Variants in TEX9 observed in about 807,000 individuals in gnomAD.
TEX9 encodes the protein testis expressed 9.
Under a neutral mutation model 59.6 loss-of-function variants are expected in TEX9, and 74 were observed. The observed-to-expected ratio is 1.24, with a 90% CI of 1.03 to 1.51. The LOEUF is 1.51. Among genes scored for constraint, TEX9 ranks in the 40% most tolerant of loss-of-function variants. TEX9 has a pLI of 0.00. For missense variants in TEX9, 522 were observed against 447.8 expected (o/e 1.17, Z -1.49); for synonymous variants, 186 against 152.2 (o/e 1.22, Z -1.64).
intron 12 of TEX9, among the ~76,000 whole-genome samples, chr15:56,436,491 A>G (rs573455863): frequency 1.3e-5 from 2 of 152,352 alleles, no homozygotes; most frequent in African/African-American, 4.8e-5. Context: ...CTAAATGCCC[A>G]CAAGAAAAAT....
chr15:56,459,546 A>C, the TEX9 span, among the ~76,000 whole-genome samples: 4 of 152,192 alleles, frequency 2.6e-5, no homozygotes, highest in Admixed American at 2.6e-4. Flanking sequence ...TGTTGTTTTA[A>C]GCAGCTAAGT....
intron 1 of TEX9, among the ~76,000 whole-genome samples, chr15:56,275,878 C>T (rs1348774666): frequency 6.6e-6 from 1 of 151,784 alleles, no homozygotes; most frequent in Non-Finnish European, 1.5e-5. Context: ...CTTCATTTTT[C>T]AAAGAGGTTC....
chr15:56,253,482 C>T (rs755953204), intron 1 of TEX9, among the ~76,000 whole-genome samples: 27 of 152,108 alleles, frequency 1.8e-4, no homozygotes, highest in East Asian at 3.8e-4. Flanking sequence ...ACTTTAAACA[C>T]GTATCCCTTC....
At chr15:56,455,247 GAAA>G in the TEX9 span, among the ~76,000 whole-genome samples, 5,016 of 82,842 alleles carry the variant, frequency 0.061, 223 homozygotes, top group East Asian at 0.2. Context: ...ATCGTCAGGT[GAAA>G]AAAAAAAAAA....
chr15:56,323,913 G>A (rs146557351), intron 1 of TEX9, among the ~76,000 whole-genome samples: 125 of 152,228 alleles, frequency 8.2e-4, no homozygotes, highest in South Asian at 1.5e-3. Context: ...GCTCTGTAAG[G>A]TTTGTTTTTA....
At chr15:56,453,233 A>C in the TEX9 span, among the ~76,000 whole-genome samples, 6 of 152,252 alleles carry the variant, frequency 3.9e-5, no homozygotes, top group Admixed American at 3.9e-4. Flanking sequence ...TATTTTATAC[A>C]TTCAAATATC....
intron 1 of TEX9, among the ~76,000 whole-genome samples, chr15:56,326,907 AATG>A (rs1372442655): frequency 6.6e-6 from 1 of 152,184 alleles, no homozygotes; most frequent in Admixed American, 6.5e-5. Context: ...TCAATAAGTT[AATG>A]ATAATTGTAA....
At chr15:56,337,972 A>G (rs1490550897) in intron 1 of TEX9, among the ~76,000 whole-genome samples, 1 of 152,196 alleles carries the variant, frequency 6.6e-6, no homozygotes, top group Non-Finnish European at 1.5e-5. Flanking sequence ...GATGAGCTAC[A>G]TCCTAAATGG....
chr15:56,434,240 T>C, intron 12 of TEX9: 4 of 1,614,006 alleles, frequency 2.5e-6, no homozygotes, highest in Non-Finnish European at 3.4e-6. Context: ...TCATTAATTC[T>C]ATTCGATCAT....
chr15:56,458,948 G>T, the TEX9 span, among the ~76,000 whole-genome samples: 1 of 152,084 alleles, frequency 6.6e-6, no homozygotes, highest in Non-Finnish European at 1.5e-5. Context: ...AAGCTGCCAT[G>T]TTATATTTTT....
chr15:56,260,681 T>A (rs2044245261), intron 1 of TEX9, among the ~76,000 whole-genome samples: 1 of 152,028 alleles, frequency 6.6e-6, no homozygotes, highest in Non-Finnish European at 1.5e-5. Flanking sequence ...CCTATGTTCG[T>A]AAGAATTATT....
At chr15:56,294,743 G>T (rs1006091889) in intron 1 of TEX9, among the ~76,000 whole-genome samples, 3 of 152,118 alleles carry the variant, frequency 2.0e-5, no homozygotes, top group Non-Finnish European at 4.4e-5. Flanking sequence ...TAATGCTTGG[G>T]TATAACCCAA....
At chr15:56,333,968 A>C (rs2046209547) in intron 1 of TEX9, among the ~76,000 whole-genome samples, 1 of 152,108 alleles carries the variant, frequency 6.6e-6, no homozygotes, top group Non-Finnish European at 1.5e-5. Context: ...GAAGACAAAG[A>C]CCTCTACAGT....
chr15:56,272,011 G>A (rs1453444201), intron 1 of TEX9, among the ~76,000 whole-genome samples: 2 of 152,020 alleles, frequency 1.3e-5, no homozygotes, highest in Non-Finnish European at 2.9e-5. Context: ...GGGCATGGGG[G>A]TGGGCACCGG....
intron 3 of TEX9, among the ~76,000 whole-genome samples, chr15:56,379,141 T>A (rs538078557): frequency 6.6e-6 from 1 of 151,582 alleles, no homozygotes; most frequent in African/African-American, 2.4e-5. Context: ...CATTGCTAAG[T>A]CATTTATTTG....
At chr15:56,333,502 T>C (rs1166946869) in intron 1 of TEX9, among the ~76,000 whole-genome samples, 2 of 137,648 alleles carry the variant, frequency 1.5e-5, no homozygotes, top group African/African-American at 2.6e-5. Context: ...CTCAAAAAAC[T>C]GGATACAGAA....
At chr15:56,275,200 T>G (rs1338281575) in intron 1 of TEX9, among the ~76,000 whole-genome samples, 3 of 152,128 alleles carry the variant, frequency 2.0e-5, no homozygotes, top group Admixed American at 2.0e-4. Flanking sequence ...GGTTGGAAGT[T>G]TTTTCATCCC....
At chr15:56,438,196 T>G (rs2050760877) in intron 12 of TEX9, among the ~76,000 whole-genome samples, 1 of 152,148 alleles carries the variant, frequency 6.6e-6, no homozygotes, top group Non-Finnish European at 1.5e-5. Context: ...GGAGGCATCA[T>G]GCTACCTGAA....
At chr15:56,394,402 G>A (rs1265276788) in intron 8 of TEX9, 155 bp downstream of exon 8, 2 of 679,692 alleles carry the variant, frequency 2.9e-6, no homozygotes, top group Non-Finnish European at 4.7e-6. Context: ...ATTCTGAGAT[G>A]TTGAATTTTC....
Sources: gnomAD v4.1 joint callset for allele counts (sites outside exome capture counted in the v4.1 genomes callset) on GRCh38, gnomAD v4.1.1 for gene constraint, MANE v1.5 for transcripts, NCBI Gene and HGNC (gene_info 2026-07-23, HGNC 2026-07-21) for gene names.